Variants in ODF2 observed in about 807,000 individuals in gnomAD.
The protein encoded by ODF2 is outer dense fiber protein 2.
A neutral mutation model predicts 110.2 loss-of-function variants in ODF2; 47 were observed. The ratio of observed to expected loss-of-function variants is 0.43; its 90% CI spans 0.34 to 0.54. The LOEUF (loss-of-function observed/expected upper bound fraction) is 0.54, where lower values mean the gene tolerates loss of function less well. Among genes scored for constraint, ODF2 ranks in the 20% least tolerant of loss-of-function variants. The probability of loss-of-function intolerance (pLI) is 0.03; values close to 1 mark genes in which losing one functional copy is unlikely to be tolerated. For synonymous variants in ODF2, 352 were observed against 397.7 expected, an observed-to-expected ratio of 0.89 and a Z score of 1.37; for missense variants, 812 against 1,054.5, an observed-to-expected ratio of 0.77 and a Z score of 3.19.
At chr9:128,469,126 A>AC in intron 4 of ODF2, 57 bp from the exon 5 acceptor site, 1 of 1,551,202 alleles carries the variant, frequency 6.4e-7, no homozygotes, top group Non-Finnish European at 8.8e-7. Flanking sequence ...CAGTGGTGGA[A>AC]CTCGTGGTCA....
At chr9:128,472,254 C>T (rs543030246) in intron 6 of ODF2, among the ~76,000 whole-genome samples, 108 of 152,312 alleles carry the variant, frequency 7.1e-4, no homozygotes, top group South Asian at 4.1e-3. Flanking sequence ...GTCATCCAGG[C>T]TGGAGTGCAG....
intron 14 of ODF2, 136 bp downstream of exon 14, chr9:128,488,161 CT>C: frequency 1.9e-6 from 2 of 1,032,376 alleles, no homozygotes; most frequent in Non-Finnish European, 2.8e-6. Context: ...GGCATGGTGG[CT>C]TAGGCCTGTA....
chr9:128,468,034 T>G (rs2131654715), intron 4 of ODF2, among the ~76,000 whole-genome samples: 1 of 152,244 alleles, frequency 6.6e-6, no homozygotes, highest in South Asian at 2.1e-4. Context: ...AAAAGTATTG[T>G]ATTTTTTTAA....
chr9:128,473,351 C>T (rs1046421304), intron 7 of ODF2: 3 of 775,434 alleles, frequency 3.9e-6, no homozygotes, highest in Non-Finnish European at 4.7e-6. Context: ...TTTGCTTCCT[C>T]CAGGAAGTCT....
At chr9:128,486,578 A>T (rs912324550) in intron 13 of ODF2, among the ~76,000 whole-genome samples, 11 of 152,166 alleles carry the variant, frequency 7.2e-5, no homozygotes, top group African/African-American at 2.7e-4. Flanking sequence ...AAGATAGAGG[A>T]GTAAGCACCT....
intron 16 of ODF2, 128 bp downstream of exon 16, chr9:128,492,933 C>A (rs1213082110): frequency 2.9e-6 from 2 of 699,176 alleles, no homozygotes; most frequent in Non-Finnish European, 4.9e-6. Flanking sequence ...CTCATTTTCT[C>A]ATTGGTGGGC....
At chr9:128,461,674 C>T (rs1000866506) in intron 4 of ODF2, among the ~76,000 whole-genome samples, 4 of 152,176 alleles carry the variant, frequency 2.6e-5, no homozygotes, top group African/African-American at 4.8e-5. Flanking sequence ...CCGCCTCGGC[C>T]TCCCAAGGTG....
intron 6 of ODF2, 45 bp from the exon 7 acceptor site, chr9:128,472,868 T>G: frequency 6.2e-7 from 1 of 1,611,150 alleles, no homozygotes; most frequent in East Asian, 2.2e-5. Context: ...TCTCTGGGCA[T>G]GCGGGGGCCT....
chr9:128,458,587 T>C (rs560684105), intron 2 of ODF2, among the ~76,000 whole-genome samples: 29 of 146,138 alleles, frequency 2.0e-4, no homozygotes, highest in East Asian at 5.9e-4. Flanking sequence ...CTCTCTCTCT[T>C]TTTTTTTTTT....
chr9:128,466,180 G>A (rs562723426), intron 4 of ODF2, among the ~76,000 whole-genome samples: 1 of 147,352 alleles, frequency 6.8e-6, no homozygotes, highest in South Asian at 2.2e-4. Context: ...ACGAAAAGAG[G>A]ACTGGCCGGG....
intron 2 of ODF2, chr9:128,457,458 G>A: frequency 6.2e-7 from 1 of 1,601,004 alleles, no homozygotes. Flanking sequence ...TGTGGGAGGC[G>A]CCTGCGCCGG....
chr9:128,478,047 G>T (rs571438770), intron 8 of ODF2, among the ~76,000 whole-genome samples: 3 of 151,638 alleles, frequency 2.0e-5, no homozygotes, highest in African/African-American at 7.3e-5. Context: ...TGTCACCCAG[G>T]CTGAAGTGGC....
chr9:128,463,212 T>C (rs1212970233), intron 4 of ODF2, among the ~76,000 whole-genome samples: 3 of 152,258 alleles, frequency 2.0e-5, no homozygotes, highest in Middle Eastern at 3.4e-3. Context: ...CAGTGAGCCA[T>C]GATCATGCCA....
chr9:128,476,281 GTTC>G (rs1407810246), intron 8 of ODF2, among the ~76,000 whole-genome samples: 1 of 152,058 alleles, frequency 6.6e-6, no homozygotes, highest in African/African-American at 2.4e-5. Context: ...AAATGGTGAC[GTTC>G]TTCTTATTTT....
chr9:128,498,651 C>A, intron 19 of ODF2, 76 bp downstream of exon 19: 1 of 850,498 alleles, frequency 1.2e-6, no homozygotes, highest in African/African-American at 1.7e-5. Flanking sequence ...ATTTCTCCAT[C>A]TGAAAAATGG....
rs770785166 is a variant in ODF2 at position 128,499,136 on chromosome 9, G to T, written c.2301+10G>T. On this transcript the variant is annotated intron_variant, in intron 20 of 20. Transcript: ENST00000604420. ...GCGGAGCCGTGATGATGTGAGTCAG[G>T]CTGGTGGGCCGGGCTAGGAGAGTGG... 13 of 1,613,976 alleles carry T rather than the reference G, an allele frequency of 8.1e-6. No homozygotes were observed. The African/African-American group carries it at 1.1e-4, about 13-fold the overall frequency.
Position 128,494,739 on chromosome 9 carries a change from G to C in ODF2, c.1911+71G>C. 1 of 1,613,710 alleles carries C rather than the reference G, an allele frequency of 6.2e-7. No homozygotes were observed. Among genetic ancestry groups the C allele is most frequent in the Non-Finnish European group, 8.5e-7 (1 of 1,179,934 alleles). On this transcript the variant is annotated intron_variant, in intron 17 of 20. Coordinates refer to ENST00000604420, the Ensembl canonical transcript of ODF2. The surrounding 1 kb of genome is among the most constrained non-coding windows in gnomAD (Gnocchi z 4.6). Reference sequence around the variant, plus strand: ...GCCCGCATACCAAGATGAGCTGCACGCCCCCCAAGGGAGGACTACTTCCTT... The same window carrying C: ...GCCCGCATACCAAGATGAGCTGCACCCCCCCCAAGGGAGGACTACTTCCTT...
chr9:128,469,431 C>T (rs1839147682), intron 5 of ODF2, 78 bp downstream of exon 5: 1 of 1,489,962 alleles, frequency 6.7e-7, no homozygotes, highest in Non-Finnish European at 9.3e-7. Context: ...CTGCCTGGTC[C>T]CTCAGCCTGC....
chr9:128,467,029 A>G (rs1313656265), intron 4 of ODF2, among the ~76,000 whole-genome samples: 2 of 85,784 alleles, frequency 2.3e-5, no homozygotes, highest in African/African-American at 9.8e-5. Context: ...ATATATATAT[A>G]TATATATATA....
Sources: gnomAD v4.1 joint callset for allele counts (sites outside exome capture counted in the v4.1 genomes callset) on GRCh38, gnomAD v4.1.1 for gene constraint, Gnocchi (gnomAD v3.1) non-coding constraint, MANE v1.5 for transcripts, NCBI Gene and HGNC (gene_info 2026-07-23, HGNC 2026-07-21) for gene names.